The following MMP17 variants were observed in gnomAD, a reference collection of about 807,000 sequenced individuals.
The protein encoded by MMP17 is matrix metalloproteinase-17.
In MMP17, 54 loss-of-function variants were observed where a neutral mutation model predicts 49.1. The ratio of observed to expected loss-of-function variants is 1.10; its 90% CI spans 0.88 to 1.38. The LOEUF is 1.38. MMP17 is among the 40% of genes most tolerant of loss of function. The pLI is 0.00. For missense variants in MMP17, 837 were observed against 853.7 expected, an observed-to-expected ratio of 0.98 and a Z score of 0.24; for synonymous variants, 397 against 383.1, an observed-to-expected ratio of 1.04 and a Z score of -0.42.
rs909275682 is a variant in MMP17 at position 131,828,450 on chromosome 12, A to C, written c.-45A>C. 8 of 978,824 alleles carry C rather than the reference A, an allele frequency of 8.2e-6. No homozygotes were observed. Among genetic ancestry groups the C allele is most frequent in the African/African-American group, 1.8e-5 (1 of 56,658 alleles). 60.6% of individuals were successfully genotyped at this position (978,824 alleles called of 1,614,324 possible). A position where few individuals can be genotyped will look rare whatever the true frequency, so the allele number is the denominator to read the frequency against. On this transcript the variant is annotated 5_prime_UTR_variant, in exon 1 of 10. Coordinates refer to ENST00000360564, the MANE Select transcript of MMP17 (RefSeq NM_016155.7). ...CGCCGGGCTGCGGAACGCGAAGCGGAGGGCGCGGGACCCTGCACGCCGCCC... is the reference window on the plus strand; with the variant it reads ...CGCCGGGCTGCGGAACGCGAAGCGGCGGGCGCGGGACCCTGCACGCCGCCC...
rs1218111872 is a variant in MMP17 at position 131,831,782 on chromosome 12, G to A, written c.159+3129G>A. ...AGGCTGCCGTGCGATCAGCGGAGGT[G>A]CTTCCGATGGTTCAGGGACAGGAAG... On this transcript the variant is annotated intron_variant, in intron 1 of 9. Transcript: ENST00000360564. Among the ~76,000 whole-genome samples the A allele has an allele frequency of 2.3e-5, 3 of 130,420 alleles. No homozygotes were observed. The Admixed American group carries it at 2.4e-4, about 10-fold the overall frequency. 85.6% of individuals were successfully genotyped at this position (130,420 alleles called of 152,430 possible). A position where few individuals can be genotyped will look rare whatever the true frequency, so the allele number is the denominator to read the frequency against.
At position 131,840,769 on chromosome 12, in the gene MMP17, G is replaced by C; in HGVS notation, c.619G>C (p.Val207Leu). 6.2e-7 allele frequency: 1 copy of C among 1,604,960 alleles called. No homozygotes were observed. The highest frequency in any genetic ancestry group is 2.2e-5 in the East Asian group (1 of 44,864). ...CCCCTTCGACGGCCCCGGCGGCACCGTGGCCCACGCCTTCTTCCCCGGCCA... is the reference window on the plus strand; with the variant it reads ...CCCCTTCGACGGCCCCGGCGGCACCCTGGCCCACGCCTTCTTCCCCGGCCA... Reference protein sequence around the residue: ...GYPFDGPGGTVAHAFFPGHHH... With the variant: ...GYPFDGPGGTLAHAFFPGHHH... The change falls in exon 4 of 10, where the codon GTG becomes CTG. Residue 207 changes from valine (V) to leucine (L), a missense_variant. Val to Leu is a conservative substitution (Grantham distance 32, BLOSUM62 1). Coordinates refer to ENST00000360564, the MANE Select transcript of MMP17 (RefSeq NM_016155.7).
chr12:131,844,538 A>G (rs1887594226), intron 6 of MMP17: 2 of 235,134 alleles, frequency 8.5e-6, no homozygotes, highest in Admixed American at 5.5e-5. Flanking sequence ...TCCCACAGCA[A>G]CTGGATTCCC....
At chr12:131,847,409 T>C (rs1451941616) in intron 8 of MMP17, among the ~76,000 whole-genome samples, 9 of 137,234 alleles carry the variant, frequency 6.6e-5, no homozygotes, top group African/African-American at 2.6e-4. Context: ...CGAGACTCCG[T>C]CTCAAAAAAA....
At chr12:131,847,215 A>G (rs928620336) in intron 8 of MMP17, among the ~76,000 whole-genome samples, 3 of 151,994 alleles carry the variant, frequency 2.0e-5, no homozygotes, top group Admixed American at 1.3e-4. Context: ...AATCGAGACC[A>G]TCCTGGTTAA....
At chr12:131,848,594 C>T (rs970341624) in intron 8 of MMP17, among the ~76,000 whole-genome samples, 2 of 152,024 alleles carry the variant, frequency 1.3e-5, no homozygotes, top group East Asian at 3.9e-4. Flanking sequence ...CAGCCCCGCC[C>T]CTCCCCTGGG....
intron 6 of MMP17, chr12:131,844,837 AG>A: frequency 2.3e-6 from 1 of 425,598 alleles, no homozygotes; most frequent in Non-Finnish European, 4.3e-6. Flanking sequence ...GCACCCAGCC[AG>A]GCCCAGGGTG....
rs1887716623 is a variant in MMP17, at chr12:131,846,652, G to A, written c.1204+1203G>A. Among the ~76,000 whole-genome samples, 1 of 152,122 alleles carries A rather than the reference G, an allele frequency of 6.6e-6. No individual in the cohort carries two copies. The highest frequency in any genetic ancestry group is 2.1e-4 in the South Asian group (1 of 4,832). On this transcript the variant is annotated intron_variant, in intron 8 of 9. Transcript: ENST00000360564. The surrounding 1 kb of genome is among the most constrained non-coding windows in gnomAD (Gnocchi z 4.6). ...GGTGTCCCAAAGTGCCAAGATTACA[G>A]ATGTGAGCCACTGCACCCGGCCTGC...
chr12:131,851,312 G>T lies in MMP17; in HGVS notation c.*38G>T. Reference sequence around the variant, plus strand: ...GCCCATGAGAGGACAGAGGCGGTGGGACAGCCTGGCCACAGAGGGCAAGGA... The same window carrying T: ...GCCCATGAGAGGACAGAGGCGGTGGTACAGCCTGGCCACAGAGGGCAAGGA... On this transcript the variant is annotated 3_prime_UTR_variant, in exon 10 of 10. Coordinates refer to ENST00000360564, the MANE Select transcript of MMP17 (RefSeq NM_016155.7). The T allele has an allele frequency of 7.4e-7, 1 of 1,352,356 alleles. No homozygotes were observed. Among genetic ancestry groups the T allele is most frequent in the Non-Finnish European group, 9.5e-7 (1 of 1,047,584 alleles). 83.8% of individuals were successfully genotyped at this position (1,352,356 alleles called of 1,614,324 possible).
chr12:131,845,413 G>A lies in MMP17; in HGVS notation c.1168G>A (p.Glu390Lys), dbSNP rs372018945. 8.2e-6 allele frequency: 13 copies of A among 1,582,234 alleles called. No homozygotes were observed. The highest frequency in any genetic ancestry group is 2.3e-5 in the East Asian group (1 of 44,390). ...LHLDSVDAVY[E>K]RTSDHKIVFF... is the part of the protein sequence containing the mutation. Reference sequence around the variant, plus strand: ...CCTGGACAGCGTGGACGCCGTGTACGAGCGCACCAGCGACCACAAGATCGT... The same window carrying A: ...CCTGGACAGCGTGGACGCCGTGTACAAGCGCACCAGCGACCACAAGATCGT... The change falls in exon 8 of 10, where the codon GAG becomes AAG. Residue 390 changes from glutamate to lysine, a missense_variant. Glu to Lys is a moderately conservative substitution (Grantham distance 56, BLOSUM62 1). Coordinates refer to ENST00000360564, the MANE Select transcript of MMP17 (RefSeq NM_016155.7).
intron 1 of MMP17, among the ~76,000 whole-genome samples, chr12:131,834,879 C>G (rs1421354861): frequency 6.6e-6 from 1 of 152,156 alleles, no homozygotes; most frequent in Non-Finnish European, 1.5e-5. Context: ...GCCGCCTCTT[C>G]CCTGCAGGCT....
intron 5 of MMP17, 40 bp from the exon 6 acceptor site, chr12:131,843,957 G>A (rs574560399): frequency 2.0e-5 from 29 of 1,439,728 alleles, no homozygotes; most frequent in Middle Eastern, 2.0e-4. Flanking sequence ...GGAGGCGGGC[G>A]TCGGGGGTTT....
Position 131,850,993 on chromosome 12 carries a change from G to C in MMP17, c.1531G>C (p.Gly511Arg). 1 of 1,569,804 alleles carries C rather than the reference G, an allele frequency of 6.4e-7. No homozygotes were observed. Among genetic ancestry groups the C allele is most frequent in the Non-Finnish European group, 8.6e-7 (1 of 1,159,620 alleles). ...VLDGELEVAP[G>R]YPQSTARDWL... ...GGATGGCGAGCTGGAGGTGGCACCC[G>C]GGTACCCACAGTCCACGGCCCGGGA... The change falls in exon 10 of 10, where the codon GGG becomes CGG. Residue 511 changes from glycine to arginine, a missense_variant. Physicochemically the swap from Gly to Arg is moderately radical, Grantham distance 125 (BLOSUM62 -2). Coordinates refer to ENST00000360564, the MANE Select transcript of MMP17 (RefSeq NM_016155.7).
chr12:131,832,772 C>T (rs538517984), intron 1 of MMP17, among the ~76,000 whole-genome samples: 1 of 152,224 alleles, frequency 6.6e-6, no homozygotes, highest in African/African-American at 2.4e-5. Context: ...CATGTTGGCC[C>T]CAAGGGCTCC....
intron 8 of MMP17, among the ~76,000 whole-genome samples, chr12:131,848,179 A>G (rs1485795776): frequency 1.3e-5 from 2 of 152,118 alleles, no homozygotes; most frequent in African/African-American, 2.4e-5. Context: ...TCGACCTCCC[A>G]GGTTCAAGCA....
At chr12:131,844,935 CCG>C in intron 6 of MMP17, 181 bp from the exon 7 acceptor site, 3 of 611,900 alleles carry the variant, frequency 4.9e-6, no homozygotes, top group South Asian at 1.9e-5. Flanking sequence ...CGGCCCCCGC[CCG>C]CTGAAGCGGT....
intron 8 of MMP17, among the ~76,000 whole-genome samples, chr12:131,849,549 T>C (rs1431369637): frequency 1.3e-5 from 2 of 152,182 alleles, no homozygotes; most frequent in Non-Finnish European, 2.9e-5. Flanking sequence ...CGAGTTGTTG[T>C]TTCCATCGGT....
chr12:131,834,480 T>TA (rs1886978041), intron 1 of MMP17, among the ~76,000 whole-genome samples: 1 of 152,046 alleles, frequency 6.6e-6, no homozygotes, highest in African/African-American at 2.4e-5. Context: ...GACGCCCCCC[T>TA]GCCTGCGTGG....
At chr12:131,844,975 T>C in intron 6 of MMP17, 143 bp from the exon 7 acceptor site, 1 of 773,178 alleles carries the variant, frequency 1.3e-6, no homozygotes, top group Non-Finnish European at 2.1e-6. Flanking sequence ...TTAATTTGCC[T>C]TTAGCAGACC....
Sources: gnomAD v4.1 joint callset for allele counts (sites outside exome capture counted in the v4.1 genomes callset) on GRCh38, gnomAD v4.1.1 for gene constraint, Gnocchi (gnomAD v3.1) non-coding constraint, MANE v1.5 for transcripts, NCBI Gene and HGNC (gene_info 2026-07-23, HGNC 2026-07-21) for gene names.